LCLAT1: variants seen among roughly 807,000 people sequenced by gnomAD.
The protein encoded by LCLAT1 is 1-AGP acyltransferase 8.
A neutral mutation model predicts 30.7 loss-of-function variants in LCLAT1; 11 were observed. The observed-to-expected ratio is 0.36, with a 90% CI of 0.23 to 0.59. The LOEUF (loss-of-function observed/expected upper bound fraction) is 0.59, where lower values mean the gene tolerates loss of function less well. Ranked by LOEUF, LCLAT1 falls within the 20% of genes least tolerant of loss-of-function variation. The pLI, the probability that LCLAT1 is intolerant of heterozygous loss-of-function variation, is 0.77. For synonymous variants in LCLAT1, 155 were observed against 151.3 expected (o/e 1.02, Z -0.18); for missense variants, 402 against 458.6 (o/e 0.88, Z 1.13).
intron 1 of LCLAT1, among the ~76,000 whole-genome samples, chr2:30,475,635 G>A (rs72853186): frequency 0.013 from 1,975 of 152,252 alleles, 34 homozygotes; most frequent in African/African-American, 0.045. Context: ...AAATTGGCAT[G>A]CCTGTTTTAT....
At chr2:30,602,485 C>T (rs1029211949) in intron 5 of LCLAT1, among the ~76,000 whole-genome samples, 4 of 152,190 alleles carry the variant, frequency 2.6e-5, no homozygotes, top group African/African-American at 9.6e-5. Context: ...CTTTCAGTAA[C>T]TGCCATCATT....
intron 5 of LCLAT1, among the ~76,000 whole-genome samples, chr2:30,584,852 A>T (rs568758285): frequency 2.6e-5 from 4 of 151,542 alleles, no homozygotes; most frequent in Admixed American, 2.6e-4. Flanking sequence ...CTTTCCAACA[A>T]TGTTCCTTTG....
intron 1 of LCLAT1, among the ~76,000 whole-genome samples, chr2:30,522,097 C>A (rs1316893168): frequency 2.6e-5 from 4 of 152,108 alleles, no homozygotes; most frequent in Non-Finnish European, 5.9e-5. Flanking sequence ...ATCCATTCTC[C>A]CTGACTGACA....
chr2:30,601,874 T>TAGGATC (rs1667202422), intron 5 of LCLAT1, among the ~76,000 whole-genome samples: 2 of 149,496 alleles, frequency 1.3e-5, no homozygotes, highest in African/African-American at 4.9e-5. Context: ...TAGATATCTA[T>TAGGATC]CTATAGATAT....
At chr2:30,452,773 T>C (rs1681623729) in intron 1 of LCLAT1, among the ~76,000 whole-genome samples, 1 of 152,214 alleles carries the variant, frequency 6.6e-6, no homozygotes, top group Non-Finnish European at 1.5e-5. Context: ...GGATTTTTAA[T>C]GCAACGAGCT....
chr2:30,478,366 GT>G lies in LCLAT1; in HGVS notation c.-5+30987del, dbSNP rs548930174. ...TCCAAACAGCTGATTTAAATGCAGA[GT>G]TTTAGCATGCTACCTGCTCATAAGT... On this transcript the variant is annotated intron_variant, in intron 1 of 5. Transcript: ENST00000379509. 1.1e-3 allele frequency among the ~76,000 whole-genome samples: 175 copies of G among 152,286 alleles called. 1 individual carries two copies. The highest frequency in any genetic ancestry group is 4.1e-3 in the African/African-American group (171 of 41,568).
chr2:30,580,389 C>T (rs1021472710), intron 5 of LCLAT1, among the ~76,000 whole-genome samples: 2 of 152,020 alleles, frequency 1.3e-5, no homozygotes, highest in African/African-American at 4.8e-5. Flanking sequence ...CATCTTTGAA[C>T]GTAAAATCTG....
intron 5 of LCLAT1, among the ~76,000 whole-genome samples, chr2:30,591,404 C>T (rs1463873635): frequency 6.6e-6 from 1 of 152,142 alleles, no homozygotes; most frequent in African/African-American, 2.4e-5. Flanking sequence ...GGATAATTTT[C>T]AGCTGCTGAG....
At chr2:30,461,394 G>C (rs547227868) in intron 1 of LCLAT1, among the ~76,000 whole-genome samples, 4 of 152,074 alleles carry the variant, frequency 2.6e-5, no homozygotes, top group Admixed American at 6.5e-5. Flanking sequence ...TTTGTTTCTA[G>C]TTAGTTTTTG....
chr2:30,586,095 T>A (rs1195053484), intron 5 of LCLAT1, among the ~76,000 whole-genome samples: 1 of 151,766 alleles, frequency 6.6e-6, no homozygotes, highest in Non-Finnish European at 1.5e-5. Flanking sequence ...TACAAAAAAA[T>A]TAGCCAGACG....
intron 1 of LCLAT1, among the ~76,000 whole-genome samples, chr2:30,494,041 A>T (rs952070694): frequency 4.6e-5 from 7 of 151,894 alleles, no homozygotes; most frequent in Non-Finnish European, 7.4e-5. Flanking sequence ...AAATAAATAA[A>T]TAATAAATAA....
chr2:30,455,851 A>G (rs1281475673), intron 1 of LCLAT1, among the ~76,000 whole-genome samples: 1 of 140,348 alleles, frequency 7.1e-6, no homozygotes, highest in East Asian at 2.3e-4. Context: ...TTGAGGCTGC[A>G]GTGAGCTGTG....
intron 1 of LCLAT1, among the ~76,000 whole-genome samples, chr2:30,497,581 C>T (rs898531617): frequency 3.9e-5 from 6 of 152,100 alleles, no homozygotes; most frequent in Admixed American, 1.3e-4. Flanking sequence ...ATTTTTTTCT[C>T]ATTCACTTTT....
chr2:30,453,186 C>T (rs1681649293), intron 1 of LCLAT1, among the ~76,000 whole-genome samples: 2 of 152,168 alleles, frequency 1.3e-5, no homozygotes, highest in Middle Eastern at 3.4e-3. Flanking sequence ...CGGGGGATAG[C>T]ATGTTGTTGA....
chr2:30,621,044 A>G (rs1377197681), intron 5 of LCLAT1, among the ~76,000 whole-genome samples: 3 of 152,162 alleles, frequency 2.0e-5, no homozygotes, highest in South Asian at 2.1e-4. Flanking sequence ...TAAATCTGCT[A>G]TGATCCTATT....
chr2:30,557,068 A>G (rs1664955714), intron 3 of LCLAT1, among the ~76,000 whole-genome samples: 1 of 152,090 alleles, frequency 6.6e-6, no homozygotes, highest in African/African-American at 2.4e-5. Context: ...ATAATGTGAC[A>G]TTGTTACCAC....
chr2:30,559,192 TGACTG>T (rs1045946647), intron 3 of LCLAT1, among the ~76,000 whole-genome samples: 1 of 152,238 alleles, frequency 6.6e-6, no homozygotes, highest in Non-Finnish European at 1.5e-5. Flanking sequence ...GGGGAAGTAT[TGACTG>T]GAAATAGGAC....
chr2:30,569,508 T>A (rs532758875), intron 5 of LCLAT1, among the ~76,000 whole-genome samples: 1 of 152,352 alleles, frequency 6.6e-6, no homozygotes, highest in African/African-American at 2.4e-5. Flanking sequence ...GTAATGGTGA[T>A]CTCTGTGACA....
intron 1 of LCLAT1, among the ~76,000 whole-genome samples, chr2:30,519,127 G>C (rs921571216): frequency 3.5e-4 from 53 of 152,302 alleles, no homozygotes; most frequent in Admixed American, 2.1e-3. Context: ...AACACATCCA[G>C]CTTATACTGG....
Sources: gnomAD v4.1 joint callset for allele counts (sites outside exome capture counted in the v4.1 genomes callset) on GRCh38, gnomAD v4.1.1 for gene constraint, MANE v1.5 for transcripts, NCBI Gene and HGNC (gene_info 2026-07-23, HGNC 2026-07-21) for gene names.